Variants in MYO3B observed in about 807,000 individuals in gnomAD.
MYO3B encodes myosin-IIIb.
In MYO3B, 156 loss-of-function variants were observed where a neutral mutation model predicts 174.6. The ratio of observed to expected loss-of-function variants is 0.89; its 90% confidence interval spans 0.78 to 1.02. MYO3B has a LOEUF of 1.02. MYO3B is among the 50% of genes least tolerant of loss of function. The pLI is 0.00. For missense variants in MYO3B, 1,632 were observed against 1,639.4 expected (o/e 1.00, Z 0.08); for synonymous variants, 563 against 569.1 (o/e 0.99, Z 0.15).
intron 7 of MYO3B, among the ~76,000 whole-genome samples, chr2:170,326,083 C>T (rs183560078): frequency 3.0e-4 from 46 of 151,660 alleles, no homozygotes; most frequent in African/African-American, 9.2e-4. Context: ...AACTATACCC[C>T]GGCCCTCCCC....
chr2:170,201,337 C>A (rs1351195669), intron 3 of MYO3B, among the ~76,000 whole-genome samples: 1 of 152,212 alleles, frequency 6.6e-6, no homozygotes, highest in African/African-American at 2.4e-5. Context: ...GCTCATGTCT[C>A]CATGTCTGAG....
intron 22 of MYO3B, among the ~76,000 whole-genome samples, chr2:170,414,487 G>A (rs919625372): frequency 6.6e-6 from 1 of 152,186 alleles, no homozygotes; most frequent in African/African-American, 2.4e-5. Flanking sequence ...ACGCCTGGCT[G>A]TAGGAAATCT....
At chr2:170,356,219 C>A (rs1420775350) in intron 8 of MYO3B, among the ~76,000 whole-genome samples, 1 of 151,874 alleles carries the variant, frequency 6.6e-6, no homozygotes, top group Admixed American at 6.6e-5. Context: ...CCTCGGCCTC[C>A]CAAAGTGCTG....
chr2:170,262,368 G>A (rs990476432), intron 7 of MYO3B, among the ~76,000 whole-genome samples: 1 of 152,200 alleles, frequency 6.6e-6, no homozygotes, highest in East Asian at 1.9e-4. Context: ...CAGAGCCATT[G>A]GGTGGGACTC....
chr2:170,466,976 G>A (rs1040979650), intron 25 of MYO3B, among the ~76,000 whole-genome samples: 1 of 152,162 alleles, frequency 6.6e-6, no homozygotes, highest in South Asian at 2.1e-4. Flanking sequence ...TAGGTCTCAA[G>A]TTCTCCAGGT....
At chr2:170,218,286 GA>G (rs2092852823) in intron 6 of MYO3B, among the ~76,000 whole-genome samples, 1 of 152,014 alleles carries the variant, frequency 6.6e-6, no homozygotes, top group African/African-American at 2.4e-5. Flanking sequence ...TAAAGAAAAA[GA>G]AAAATGCTGC....
chr2:170,195,927 A>G (rs2092595271), intron 1 of MYO3B, among the ~76,000 whole-genome samples: 1 of 152,214 alleles, frequency 6.6e-6, no homozygotes, highest in Non-Finnish European at 1.5e-5. Context: ...AATATTAACC[A>G]TCACACATAT....
At chr2:170,335,336 T>A (rs763055537) in intron 7 of MYO3B, 49 bp from the exon 8 acceptor site, 2 of 1,395,790 alleles carry the variant, frequency 1.4e-6, no homozygotes, top group Admixed American at 3.7e-5. Context: ...ATATTTTGCC[T>A]TTAATGAAAT....
At chr2:170,313,884 A>G (rs1010714230) in intron 7 of MYO3B, among the ~76,000 whole-genome samples, 1 of 152,140 alleles carries the variant, frequency 6.6e-6, no homozygotes, top group South Asian at 2.1e-4. Context: ...ACACAGCTCA[A>G]AATTGCAAGG....
intron 1 of MYO3B, among the ~76,000 whole-genome samples, chr2:170,193,378 T>C (rs1187265230): frequency 6.6e-6 from 1 of 152,076 alleles, no homozygotes; most frequent in Non-Finnish European, 1.5e-5. Context: ...TTGTTATCAT[T>C]TACCTGGTTT....
At chr2:170,472,843 G>C (rs1334052773) in intron 25 of MYO3B, among the ~76,000 whole-genome samples, 1 of 151,652 alleles carries the variant, frequency 6.6e-6, no homozygotes, top group Admixed American at 6.6e-5. Flanking sequence ...CTGGGCCACA[G>C]GCGTGCACCA....
chr2:170,488,511 A>G (rs555510267), intron 25 of MYO3B, among the ~76,000 whole-genome samples: 30 of 152,326 alleles, frequency 2.0e-4, no homozygotes, highest in African/African-American at 6.7e-4. Flanking sequence ...CATGACTGGC[A>G]TACAGAAATA....
chr2:170,181,639 T>C (rs1446245790), intron 1 of MYO3B, among the ~76,000 whole-genome samples: 4 of 152,178 alleles, frequency 2.6e-5, no homozygotes, highest in Admixed American at 6.5e-5. Flanking sequence ...GTTGTTGTTT[T>C]TAAATTTTGA....
At chr2:170,379,481 C>T (rs1426654013) in intron 9 of MYO3B, among the ~76,000 whole-genome samples, 9 of 152,208 alleles carry the variant, frequency 5.9e-5, no homozygotes, top group African/African-American at 1.9e-4. Flanking sequence ...GCGTGAACCA[C>T]TGTACCCAGC....
intron 25 of MYO3B, among the ~76,000 whole-genome samples, chr2:170,481,841 G>GT (rs1370638750): frequency 2.0e-5 from 3 of 152,142 alleles, no homozygotes; most frequent in Non-Finnish European, 4.4e-5. Context: ...GAGAGGGTGA[G>GT]TTGCTACCTG....
At chr2:170,590,160 G>A (rs561662037) in intron 32 of MYO3B, among the ~76,000 whole-genome samples, 5 of 152,262 alleles carry the variant, frequency 3.3e-5, no homozygotes, top group East Asian at 3.9e-4. Flanking sequence ...AGTGATATAT[G>A]CCTGTATATA....
chr2:170,581,665 C>G (rs999298440), intron 32 of MYO3B, among the ~76,000 whole-genome samples: 1 of 150,934 alleles, frequency 6.6e-6, no homozygotes, highest in Admixed American at 6.6e-5. Context: ...TTCTTTTTTT[C>G]TATATGGATA....
At chr2:170,475,473 A>T (rs1451825205) in intron 25 of MYO3B, among the ~76,000 whole-genome samples, 2 of 151,908 alleles carry the variant, frequency 1.3e-5, no homozygotes, top group Non-Finnish European at 2.9e-5. Context: ...CTGGTCTCAG[A>T]CTCCTGGGCT....
chr2:170,214,638 C>G, intron 4 of MYO3B, 91 bp from the exon 5 acceptor site: 1 of 1,359,314 alleles, frequency 7.4e-7, no homozygotes, highest in Non-Finnish European at 1.0e-6. Flanking sequence ...TTTCATGAGA[C>G]TTTTCAATAG....
Sources: gnomAD v4.1 joint callset for allele counts (sites outside exome capture counted in the v4.1 genomes callset) on GRCh38, gnomAD v4.1.1 for gene constraint, MANE v1.5 for transcripts, NCBI Gene and HGNC (gene_info 2026-07-23, HGNC 2026-07-21) for gene names.